The following GOPC variants were observed in gnomAD, a reference collection of about 807,000 sequenced individuals.
GOPC encodes the protein Golgi-associated PDZ and coiled-coil motif-containing protein.
GOPC carries 32 observed loss-of-function variants against 51.2 expected under a neutral mutation model. That is an observed-to-expected ratio of 0.63 (90% confidence interval 0.47 to 0.84). The LOEUF is 0.84. GOPC is among the 40% of genes least tolerant of loss of function. The pLI is 0.00. For missense variants in GOPC, 441 were observed against 555.5 expected, an observed-to-expected ratio of 0.79 and a Z score of 2.07; for synonymous variants, 190 against 205.1, an observed-to-expected ratio of 0.93 and a Z score of 0.63.
intron 1 of GOPC, among the ~76,000 whole-genome samples, chr6:117,600,985 T>G (rs930348845): frequency 2.6e-5 from 4 of 152,198 alleles, no homozygotes; most frequent in African/African-American, 9.6e-5. Context: ...AAGGAGAGGA[T>G]GTTTAACTGA....
chr6:117,561,466 T>A lies in GOPC; in HGVS notation c.*1788A>T, dbSNP rs1583045412. ...ACAGCAAAAAGGTTTTCGGGTCTGCTACAATGGACAATTTTTTTGACTAAA... is the reference window on the plus strand; with the variant it reads ...ACAGCAAAAAGGTTTTCGGGTCTGCAACAATGGACAATTTTTTTGACTAAA... On this transcript the variant is annotated 3_prime_UTR_variant, in exon 9 of 9. Coordinates refer to ENST00000368498, the MANE Select transcript of GOPC (RefSeq NM_020399.4). 4.5e-6 allele frequency: 1 copy of A among 220,904 alleles called. No individual in the cohort carries two copies. The highest frequency in any genetic ancestry group is 2.2e-5 in the African/African-American group (1 of 44,744). 13.7% of individuals were successfully genotyped at this position (220,904 alleles called of 1,614,324 possible).
At chr6:117,565,531 A>T (rs1293094243) in intron 8 of GOPC, among the ~76,000 whole-genome samples, 1 of 152,182 alleles carries the variant, frequency 6.6e-6, no homozygotes, top group Admixed American at 6.5e-5. Context: ...GGTGATTTGA[A>T]AAATATTGGA....
intron 1 of GOPC, among the ~76,000 whole-genome samples, chr6:117,601,635 G>A (rs974315344): frequency 1.3e-5 from 2 of 152,144 alleles, no homozygotes; most frequent in African/African-American, 4.8e-5. Flanking sequence ...ATACAAATTC[G>A]GTTTATCAAT....
At chr6:117,581,273 T>G (rs1254483390) in intron 1 of GOPC, among the ~76,000 whole-genome samples, 1 of 152,164 alleles carries the variant, frequency 6.6e-6, no homozygotes, top group Non-Finnish European at 1.5e-5. Flanking sequence ...TGCTATAAAT[T>G]AACCAAGATG....
chr6:117,587,381 G>C (rs1001893030), intron 1 of GOPC, among the ~76,000 whole-genome samples: 1 of 151,944 alleles, frequency 6.6e-6, no homozygotes, highest in African/African-American at 2.4e-5. Context: ...CAGTAAACCA[G>C]GCATACATAA....
In GOPC at chr6:117,560,758, C is replaced by T. The variant is rs368572507; in HGVS notation, c.*2496G>A. 1.4e-5 allele frequency: 3 copies of T among 207,394 alleles called. No individual in the cohort carries two copies. Among genetic ancestry groups the T allele is most frequent in the East Asian group, 1.5e-4 (2 of 13,678 alleles). The allele number at this position is 207,394 out of a possible 1,614,324, so 12.8% of individuals were successfully genotyped here. A position where few individuals can be genotyped will look rare whatever the true frequency, so the allele number is the denominator to read the frequency against. On this transcript the variant is annotated 3_prime_UTR_variant, in exon 9 of 9. Transcript: ENST00000368498. ...TTAAGTGTAAATATATACACGCACACATACAACCCTCACATTTTATTAAAA... is the reference window on the plus strand; with the variant it reads ...TTAAGTGTAAATATATACACGCACATATACAACCCTCACATTTTATTAAAA...
At chr6:117,593,064 T>A (rs1780142608) in intron 1 of GOPC, among the ~76,000 whole-genome samples, 1 of 152,134 alleles carries the variant, frequency 6.6e-6, no homozygotes, top group African/African-American at 2.4e-5. Flanking sequence ...CACACAACAG[T>A]ACAGACCGGT....
At position 117,574,710 on chromosome 6, in the gene GOPC, ATTAAT is replaced by A. The variant is rs1779853648; in HGVS notation, c.650+462_650+466del. 3.3e-5 allele frequency among the ~76,000 whole-genome samples: 5 copies of A among 152,380 alleles called. No homozygotes were observed. In the South Asian group the frequency reaches 1.0e-3, roughly 32 times the overall value. On this transcript the variant is annotated intron_variant, in intron 4 of 8. Transcript: ENST00000368498. ...ATCTGCGATACATAATGCTGTCAGTATTAATTTAACAACAGTAAGTTAAAACCAAC... is the reference window on the plus strand; with the variant it reads ...ATCTGCGATACATAATGCTGTCAGTATTAACAACAGTAAGTTAAAACCAAC...
rs1562140641 is a variant in GOPC, at chr6:117,573,629, G to A, written c.654C>T (p.Val218=). 12 of 1,608,924 alleles carry A rather than the reference G, an allele frequency of 7.5e-6. No individual in the cohort carries two copies. In the South Asian group the frequency reaches 1.0e-4, roughly 13 times the overall value. ...CTCGTCCTAGCAATTGTATCTGTTG[G>A]ACCCTTCATATTGGGAAAAGAGTAC... ...KYLDKELAGR[V]QQIQLLGRDM... is the part of the protein sequence containing the mutation. Residue 218 remains valine, a synonymous_variant, in exon 5 of 9, where the codon GTC becomes GTT. Transcript: ENST00000368498.
At chr6:117,568,116 T>C (rs1779736174) in intron 7 of GOPC, among the ~76,000 whole-genome samples, 1 of 151,922 alleles carries the variant, frequency 6.6e-6, no homozygotes, top group Non-Finnish European at 1.5e-5. Flanking sequence ...GGAGGATCTG[T>C]TTGAGCCTGG....
intron 1 of GOPC, among the ~76,000 whole-genome samples, chr6:117,598,295 G>A (rs914291299): frequency 1.3e-5 from 2 of 151,956 alleles, no homozygotes; most frequent in African/African-American, 4.8e-5. Flanking sequence ...GATCAACTGA[G>A]CTGGGAGTTG....
At chr6:117,573,723 T>C in intron 4 of GOPC, 91 bp from the exon 5 acceptor site, 1 of 1,044,030 alleles carries the variant, frequency 9.6e-7, no homozygotes, top group Non-Finnish European at 1.4e-6. Context: ...AGCTTTTGCA[T>C]GAATCTCAAA....
At chr6:117,574,372 T>G (rs190459079) in intron 4 of GOPC, among the ~76,000 whole-genome samples, 5 of 152,356 alleles carry the variant, frequency 3.3e-5, no homozygotes, top group Admixed American at 3.3e-4. Context: ...AATGATTTAG[T>G]ACTAATAAGT....
At position 117,602,060 on chromosome 6, in the gene GOPC, A is replaced by C; in HGVS notation, c.229T>G (p.Phe77Val). 2 of 1,614,186 alleles carry C rather than the reference A, an allele frequency of 1.2e-6. No individual in the cohort carries two copies. The highest frequency in any genetic ancestry group is 1.7e-6 in the Non-Finnish European group (2 of 1,180,046). The change falls in exon 1 of 9, where the codon TTT becomes GTT. Residue 77 changes from phenylalanine (F) to valine (V), a missense_variant. Physicochemically the swap from Phe to Val is conservative, Grantham distance 50 (BLOSUM62 -1). Around this residue, in one of 3 missense-constraint regions of GOPC, gnomAD observed 204 missense variants for 219.8 expected, o/e 0.93. Transcript: ENST00000368498. ...RQKMTSLSSCFAQLCHKAQSV... is the reference protein window; with the variant it reads ...RQKMTSLSSCVAQLCHKAQSV... ...TGGGCTTTGTGGCAAAGCTGTGCAA[A>C]GCAGGAGCTCAGGCTGGTCATCTTC...
intron 1 of GOPC, among the ~76,000 whole-genome samples, chr6:117,591,197 C>G (rs777370390): frequency 1.3e-5 from 2 of 152,142 alleles, no homozygotes; most frequent in Non-Finnish European, 2.9e-5. Flanking sequence ...ATTCTGTAAT[C>G]CTTATATAAA....
In GOPC at chr6:117,562,922, C is replaced by T. The variant is rs775037711; in HGVS notation, c.*332G>A. On this transcript the variant is annotated 3_prime_UTR_variant, in exon 9 of 9. Coordinates refer to ENST00000368498, the MANE Select transcript of GOPC (RefSeq NM_020399.4). ...CTTATAAAATTCCAGTTAGCACTGT[C>T]CTCCTACTAAAGGGAAAAGGAACCA... 1.8e-5 allele frequency: 5 copies of T among 276,240 alleles called. No individual in the cohort carries two copies. The highest frequency in any genetic ancestry group is 3.4e-5 in the Non-Finnish European group (5 of 145,216). 17.1% of individuals were successfully genotyped at this position (276,240 alleles called of 1,614,324 possible). A position where few individuals can be genotyped will look rare whatever the true frequency, so the allele number is the denominator to read the frequency against.
At chr6:117,599,169 A>T (rs929133915) in intron 1 of GOPC, among the ~76,000 whole-genome samples, 1 of 152,164 alleles carries the variant, frequency 6.6e-6, no homozygotes, top group Non-Finnish European at 1.5e-5. Context: ...AATTGGAGGT[A>T]TCTGTTTCTT....
At chr6:117,585,284 A>G (rs771983664) in intron 1 of GOPC, among the ~76,000 whole-genome samples, 4 of 152,182 alleles carry the variant, frequency 2.6e-5, no homozygotes, top group Non-Finnish European at 5.9e-5. Context: ...TTCATTTTAA[A>G]TATAAGCAGG....
intron 1 of GOPC, among the ~76,000 whole-genome samples, chr6:117,600,107 CAG>C (rs946767894): frequency 2.0e-5 from 3 of 152,110 alleles, no homozygotes; most frequent in Admixed American, 2.0e-4. Flanking sequence ...GTTATGGAGA[CAG>C]AGAAGTCCAA....
Sources: allele counts gnomAD v4.1 joint callset (sites outside exome capture counted in the v4.1 genomes callset), GRCh38; gene constraint gnomAD v4.1.1; regional missense constraint gnomAD v4.1.1; transcripts MANE v1.5; gene names NCBI Gene and HGNC (gene_info 2026-07-23, HGNC 2026-07-21).